TIMM23: variants seen among roughly 807,000 people sequenced by gnomAD.
TIMM23 encodes the protein translocase of inner mitochondrial membrane 23.
In TIMM23, 19 loss-of-function variants were observed where a neutral mutation model predicts 30.7. That is an observed-to-expected ratio of 0.62 (90% CI 0.43 to 0.91). The LOEUF is 0.91. Ranked by LOEUF, TIMM23 falls within the 40% of genes least tolerant of loss-of-function variation. The probability of loss-of-function intolerance (pLI) is 0.00; values close to 1 mark genes in which losing one functional copy is unlikely to be tolerated. For missense variants in TIMM23, 202 were observed against 269.2 expected (o/e 0.75, Z 1.75); for synonymous variants, 78 against 98.5 (o/e 0.79, Z 1.23).
At chr10:46,001,318 G>A (rs569468443) in intron 6 of TIMM23, among the ~76,000 whole-genome samples, 1 of 152,264 alleles carries the variant, frequency 6.6e-6, no homozygotes, top group South Asian at 2.1e-4. Context: ...ACTTTTAGTG[G>A]GGTTTTTTTG....
intron 6 of TIMM23, chr10:45,992,396 T>C (rs1341135642): frequency 5.9e-5 from 27 of 455,856 alleles, no homozygotes; most frequent in Non-Finnish European, 1.1e-4. Context: ...GAGGGTCTTA[T>C]GAAAGTTTTT....
chr10:45,973,396 G>A (rs1425184312), intron 1 of TIMM23, among the ~76,000 whole-genome samples: 3 of 152,118 alleles, frequency 2.0e-5, no homozygotes, highest in Non-Finnish European at 4.4e-5. Flanking sequence ...TTGTAACTGT[G>A]GTTGTTCAAC....
chr10:45,991,174 T>C (rs587736515), intron 6 of TIMM23, among the ~76,000 whole-genome samples: 49 of 152,344 alleles, frequency 3.2e-4, no homozygotes, highest in African/African-American at 1.0e-3. Flanking sequence ...AATTTTCTGA[T>C]GTATCTGTTT....
chr10:46,003,178 T>C, intron 6 of TIMM23, 25 bp from the exon 7 acceptor site: 1 of 1,575,390 alleles, frequency 6.3e-7, no homozygotes, highest in Non-Finnish European at 8.7e-7. Context: ...AGCTATTTCA[T>C]TTTCCTTTTG....
At chr10:45,982,067 A>G (rs1402179144) in intron 2 of TIMM23, among the ~76,000 whole-genome samples, 2 of 152,186 alleles carry the variant, frequency 1.3e-5, no homozygotes, top group Admixed American at 6.5e-5. Flanking sequence ...TTGCCCTTGC[A>G]TAATTGATCC....
chr10:46,001,833 C>T lies in TIMM23; in HGVS notation c.515-1370C>T, dbSNP rs188386883. On this transcript the variant is annotated intron_variant, in intron 6 of 6. Transcript: ENST00000580018. ...AGCTTGGTTTCTCTTTGCCACATTA[C>T]GTTTGTAAGACTAACATTTTATAAC... is the stretch of plus-strand genomic sequence containing the variant. Among the ~76,000 whole-genome samples, 17 of 152,264 alleles carry T rather than the reference C, an allele frequency of 1.1e-4. No homozygotes were observed. In the East Asian group the frequency reaches 2.3e-3, roughly 21 times the overall value.
Position 45,988,849 on chromosome 10 carries a change from T to G in TIMM23, c.514+2T>G. 6.2e-7 allele frequency: 1 copy of G among 1,610,180 alleles called. No individual in the cohort carries two copies. Among genetic ancestry groups the G allele is most frequent in the Non-Finnish European group, 8.5e-7 (1 of 1,176,482 alleles). On this transcript the variant is annotated splice_donor_variant, in intron 6 of 6. Transcript: ENST00000580018. LOFTEE classifies it high-confidence loss of function. Reference sequence around the variant, plus strand: ...CAGGCATGTTGTATAAATGTACAGGTGAGTACTGTTGAATGGGGAGCCATC... The same window carrying G: ...CAGGCATGTTGTATAAATGTACAGGGGAGTACTGTTGAATGGGGAGCCATC...
chr10:45,998,666 G>A (rs1267523374), intron 6 of TIMM23, among the ~76,000 whole-genome samples: 1 of 152,142 alleles, frequency 6.6e-6, no homozygotes, highest in Non-Finnish European at 1.5e-5. Context: ...TATGTGATAA[G>A]TACAAACACC....
chr10:46,003,467 G>T lies in TIMM23; in HGVS notation c.*149G>T. The T allele has an allele frequency of 1.7e-6, 1 of 595,048 alleles. No homozygotes were observed. Among genetic ancestry groups the T allele is most frequent in the South Asian group, 2.1e-5 (1 of 47,662 alleles). The allele number at this position is 595,048 out of a possible 1,614,324, so 36.9% of individuals were successfully genotyped here. A position where few individuals can be genotyped will look rare whatever the true frequency, so the allele number is the denominator to read the frequency against. Reference sequence around the variant, plus strand: ...GCTGTGATGAAAATCCTGGATGGCTGACCAAGACTGGCACTTGTTCCAGCC... The same window carrying T: ...GCTGTGATGAAAATCCTGGATGGCTTACCAAGACTGGCACTTGTTCCAGCC... On this transcript the variant is annotated 3_prime_UTR_variant, in exon 7 of 7. Transcript: ENST00000580018.
rs1554912019 is a variant in TIMM23, at chr10:45,972,728, C to G, written c.104C>G (p.Pro35Arg). The G allele has an allele frequency of 1.2e-6, 2 of 1,613,670 alleles. No individual in the cohort carries two copies. The highest frequency in any genetic ancestry group is 1.7e-6 in the Non-Finnish European group (2 of 1,179,840). ...GYSHADLAGV[P>R]LTGMNPLSPY... The stretch of plus-strand genomic sequence containing the variant: ...TCGCACGCGGATTTGGCTGGCGTCC[C>G]GCGTAAGTATGGGGCCTAGCTTGCG... The change falls in exon 1 of 7, where the codon CCG becomes CGG. Residue 35 changes from proline (P) to arginine (R), a missense_variant and splice_region_variant. Physicochemically the swap from Pro to Arg is moderately radical, Grantham distance 103. Coordinates refer to ENST00000580018, the MANE Select transcript of TIMM23 (RefSeq NM_006327.4).
intron 2 of TIMM23, among the ~76,000 whole-genome samples, chr10:45,978,096 C>T (rs1554913444): frequency 1.3e-4 from 20 of 152,012 alleles, no homozygotes; most frequent in Non-Finnish European, 2.5e-4. Flanking sequence ...CGTGCCTATA[C>T]TCCCAACACT....
intron 1 of TIMM23, among the ~76,000 whole-genome samples, chr10:45,974,084 G>A (rs1318188015): frequency 1.3e-5 from 2 of 151,892 alleles, no homozygotes; most frequent in Non-Finnish European, 2.9e-5. Flanking sequence ...GGGGGACCAG[G>A]GAATGAACAC....
chr10:45,989,823 TA>T (rs1408589366), intron 6 of TIMM23, among the ~76,000 whole-genome samples: 2 of 152,228 alleles, frequency 1.3e-5, no homozygotes, highest in East Asian at 3.8e-4. Context: ...TCTTCTGTGA[TA>T]AGTTTTACTA....
intron 2 of TIMM23, among the ~76,000 whole-genome samples, chr10:45,980,056 C>T (rs1478943958): frequency 1.3e-5 from 2 of 150,930 alleles, no homozygotes; most frequent in Admixed American, 1.3e-4. Flanking sequence ...ATTTAATCTT[C>T]CATTGGAATT....
chr10:45,988,717 C>A lies in TIMM23; in HGVS notation c.404-20C>A, dbSNP rs1223798579. The A allele has an allele frequency of 1.5e-5, 24 of 1,612,226 alleles. No homozygotes were observed. The African/African-American group carries it at 2.9e-4, about 20-fold the overall frequency. On this transcript the variant is annotated intron_variant, in intron 5 of 6. Transcript: ENST00000580018. Reference sequence around the variant, plus strand: ...ACTTTATCACTGTTTTGTCACTGAGCACTTCCATTTCCTCTTTAGCTTTGC... The same window carrying A: ...ACTTTATCACTGTTTTGTCACTGAGAACTTCCATTTCCTCTTTAGCTTTGC...
chr10:45,973,184 A>AGT (rs1837550369), intron 1 of TIMM23, among the ~76,000 whole-genome samples: 1 of 152,034 alleles, frequency 6.6e-6, no homozygotes, highest in South Asian at 2.1e-4. Context: ...GTGAGAAATA[A>AGT]ATGACTTGGG....
chr10:45,977,872 AAAAC>A (rs1173130143), intron 2 of TIMM23, among the ~76,000 whole-genome samples: 76 of 151,966 alleles, frequency 5.0e-4, no homozygotes, highest in African/African-American at 1.7e-3. Context: ...TCTCTACTAA[AAAAC>A]AAAAATTAGC....
At chr10:45,992,602 G>A (rs1161973935) in intron 6 of TIMM23, 3 of 431,736 alleles carry the variant, frequency 6.9e-6, no homozygotes, top group Non-Finnish European at 1.4e-5. Context: ...TCTGTCGCCA[G>A]GCTGCAGTGC....
chr10:45,990,929 A>G (rs1838147141), intron 6 of TIMM23, among the ~76,000 whole-genome samples: 1 of 152,214 alleles, frequency 6.6e-6, no homozygotes, highest in African/African-American at 2.4e-5. Flanking sequence ...CTCTGAAGGT[A>G]GTAGACTGGT....
Sources: allele counts gnomAD v4.1 joint callset (sites outside exome capture counted in the v4.1 genomes callset), GRCh38; gene constraint gnomAD v4.1.1; transcripts MANE v1.5; gene names NCBI Gene and HGNC (gene_info 2026-07-23, HGNC 2026-07-21).